WDPCP: variants seen among roughly 807,000 people sequenced by gnomAD.
The protein encoded by WDPCP is WD repeat-containing and planar cell polarity effector protein fritz homolog.
WDPCP carries 71 observed loss-of-function variants against 93.1 expected under a neutral mutation model. That is an observed-to-expected ratio of 0.76 (90% CI 0.63 to 0.93). The LOEUF is 0.93. WDPCP is among the 40% of genes least tolerant of loss of function. WDPCP has a pLI of 0.00. For missense variants in WDPCP, 844 were observed against 887.4 expected (o/e 0.95, Z 0.62); for synonymous variants, 315 against 315.0 (o/e 1.00, Z 0.00).
At chr2:63,660,835 A>G (rs535997632) in intron 2 of WDPCP, among the ~76,000 whole-genome samples, 1 of 152,252 alleles carries the variant, frequency 6.6e-6, no homozygotes, top group Non-Finnish European at 1.5e-5. Context: ...GAGTTTAGTG[A>G]GAACTCTTCA....
intron 9 of WDPCP, among the ~76,000 whole-genome samples, chr2:63,409,497 T>A (rs1238128835): frequency 6.6e-6 from 1 of 152,140 alleles, no homozygotes; most frequent in Non-Finnish European, 1.5e-5. Flanking sequence ...GGCTCTTTAG[T>A]ACCCCCAAAA....
chr2:63,293,550 GA>G (rs202079051), intron 13 of WDPCP, among the ~76,000 whole-genome samples: 16 of 149,956 alleles, frequency 1.1e-4, no homozygotes, highest in African/African-American at 2.9e-4. Flanking sequence ...AACTGTCCCT[GA>G]AAAAAAAAGA....
At chr2:63,770,836 C>T (rs935489370) in intron 2 of WDPCP, among the ~76,000 whole-genome samples, 2 of 151,750 alleles carry the variant, frequency 1.3e-5, no homozygotes, top group East Asian at 3.9e-4. Flanking sequence ...CAACTGTCTT[C>T]GATTAAGCCT....
At chr2:63,834,907 T>C in the WDPCP span, among the ~76,000 whole-genome samples, 1 of 152,198 alleles carries the variant, frequency 6.6e-6, no homozygotes, top group African/African-American at 2.4e-5. Flanking sequence ...GCATCCAAAG[T>C]AGTTTTGGTC....
chr2:63,758,944 A>C (rs1670010940), intron 2 of WDPCP, among the ~76,000 whole-genome samples: 1 of 150,934 alleles, frequency 6.6e-6, no homozygotes, highest in South Asian at 2.1e-4. Flanking sequence ...TGCTGGGCTA[A>C]TTTTCTGTAT....
At position 63,120,237 on chromosome 2, in the gene WDPCP, A is replaced by G. The variant is rs1016039297; in HGVS notation, c.*1769T>C. On this transcript the variant is annotated 3_prime_UTR_variant, in exon 18 of 18. Coordinates refer to ENST00000272321, the MANE Select transcript of WDPCP (RefSeq NM_015910.7). ...TAACTTTTGATTATCTGTGTGATAA[A>G]GAAGGTTGGGAATAGGAGAATGAAA... 6.6e-6 allele frequency among the ~76,000 whole-genome samples: 1 copy of G among 152,170 alleles called. No homozygotes were observed. The highest frequency in any genetic ancestry group is 1.5e-5 in the Non-Finnish European group (1 of 68,030).
At chr2:63,684,107 T>C (rs1377909296) in intron 2 of WDPCP, among the ~76,000 whole-genome samples, 1 of 152,156 alleles carries the variant, frequency 6.6e-6, no homozygotes, top group Non-Finnish European at 1.5e-5. Flanking sequence ...TAATCTACAC[T>C]ATAGACCAAA....
At chr2:63,707,821 C>T (rs1259710781) in intron 2 of WDPCP, among the ~76,000 whole-genome samples, 1 of 152,016 alleles carries the variant, frequency 6.6e-6, no homozygotes, top group East Asian at 1.9e-4. Flanking sequence ...GATGTGCTTT[C>T]TGTTTGTTAG....
At chr2:63,646,728 C>G (rs1389902303) in intron 3 of WDPCP, among the ~76,000 whole-genome samples, 1 of 152,058 alleles carries the variant, frequency 6.6e-6, no homozygotes, top group African/African-American at 2.4e-5. Flanking sequence ...ATATATCACT[C>G]CTCTCTCTCC....
intron 3 of WDPCP, among the ~76,000 whole-genome samples, chr2:63,603,722 A>G (rs548179175): frequency 7.6e-5 from 10 of 131,110 alleles, no homozygotes; most frequent in African/African-American, 3.0e-4. Flanking sequence ...CAGTGGTGCG[A>G]TCTTGGCTCA....
chr2:63,261,719 G>A (rs1681649001), intron 13 of WDPCP, among the ~76,000 whole-genome samples: 1 of 152,124 alleles, frequency 6.6e-6, no homozygotes, highest in Non-Finnish European at 1.5e-5. Flanking sequence ...GAAATTTTCT[G>A]TCTTGTTATA....
At chr2:63,293,618 T>C (rs956098773) in intron 13 of WDPCP, among the ~76,000 whole-genome samples, 1 of 151,888 alleles carries the variant, frequency 6.6e-6, no homozygotes, top group African/African-American at 2.4e-5. Flanking sequence ...CTCAAAGACT[T>C]AAAGGAAGAT....
At chr2:63,544,324 T>C (rs987592779) in intron 1 of WDPCP, among the ~76,000 whole-genome samples, 1 of 152,130 alleles carries the variant, frequency 6.6e-6, no homozygotes, top group Non-Finnish European at 1.5e-5. Context: ...ACATCAACCA[T>C]CTAAACTTTG....
intron 13 of WDPCP, among the ~76,000 whole-genome samples, chr2:63,281,258 A>G (rs1282030788): frequency 6.6e-6 from 1 of 152,232 alleles, no homozygotes; most frequent in Non-Finnish European, 1.5e-5. Context: ...TATCAGGGTA[A>G]CGCAAATCAA....
At chr2:63,804,796 G>A (rs993287962) in intron 2 of WDPCP, among the ~76,000 whole-genome samples, 3 of 151,736 alleles carry the variant, frequency 2.0e-5, no homozygotes, top group Admixed American at 6.6e-5. Flanking sequence ...TTGGGAGGCC[G>A]AGGCGAGCAG....
At chr2:63,563,662 T>C (rs183157534) in intron 1 of WDPCP, among the ~76,000 whole-genome samples, 6 of 151,958 alleles carry the variant, frequency 3.9e-5, no homozygotes, top group African/African-American at 1.2e-4. Context: ...TTAAGATAGG[T>C]TCTTAGGAGG....
At chr2:63,156,810 A>G (rs1014051288) in intron 15 of WDPCP, among the ~76,000 whole-genome samples, 1 of 152,198 alleles carries the variant, frequency 6.6e-6, no homozygotes, top group Non-Finnish European at 1.5e-5. Context: ...TGCTAAATGC[A>G]CTTATTAGTT....
intron 2 of WDPCP, among the ~76,000 whole-genome samples, chr2:63,656,585 A>G (rs1407118272): frequency 3.3e-5 from 5 of 152,250 alleles, no homozygotes; most frequent in African/African-American, 1.2e-4. Flanking sequence ...AGCCATGTAT[A>G]GAATGGAGAC....
chr2:63,312,851 C>T (rs1254546726), intron 13 of WDPCP, among the ~76,000 whole-genome samples: 3 of 152,074 alleles, frequency 2.0e-5, no homozygotes, highest in African/African-American at 7.2e-5. Context: ...AAGGGACAAA[C>T]TGAGCACATT....
Sources: allele counts gnomAD v4.1 joint callset (sites outside exome capture counted in the v4.1 genomes callset), GRCh38; gene constraint gnomAD v4.1.1; transcripts MANE v1.5; gene names NCBI Gene and HGNC (gene_info 2026-07-23, HGNC 2026-07-21).